MAD2L1: variants seen among roughly 807,000 people sequenced by gnomAD.
The protein encoded by MAD2L1 is mitotic spindle assembly checkpoint protein MAD2A.
A neutral mutation model predicts 25.9 loss-of-function variants in MAD2L1; 10 were observed. The ratio of observed to expected loss-of-function variants is 0.39; its 90% confidence interval spans 0.24 to 0.66. MAD2L1 has a LOEUF of 0.66. Ranked by LOEUF, MAD2L1 falls within the 30% of genes least tolerant of loss-of-function variation. The probability of loss-of-function intolerance (pLI) is 0.49; values close to 1 mark genes in which losing one functional copy is unlikely to be tolerated. For synonymous variants in MAD2L1, 81 were observed against 91.8 expected (o/e 0.88, Z 0.67); for missense variants, 180 against 246.4 (o/e 0.73, Z 1.80).
In MAD2L1 at chr4:120,056,282, G is replaced by A. The variant is rs898658922; in HGVS notation, c.*3836C>T. 6 of 152,322 alleles carry A rather than the reference G, an allele frequency of 3.9e-5. No individual in the cohort carries two copies. Among genetic ancestry groups the A allele is most frequent in the African/African-American group, 1.2e-4 (5 of 41,578 alleles). 9.4% of individuals were successfully genotyped at this position (152,322 alleles called of 1,614,324 possible). On this transcript the variant is annotated 3_prime_UTR_variant, in exon 5 of 5. Transcript: ENST00000296509. Reference sequence around the variant, plus strand: ...AGAATTAAATAAAAATTCATGTGAAGTGACTAGTAAATAATAAATGCTAAG... The same window carrying A: ...AGAATTAAATAAAAATTCATGTGAAATGACTAGTAAATAATAAATGCTAAG...
At chr4:120,066,626 G>C in intron 1 of MAD2L1, 36 bp downstream of exon 1, 1 of 1,574,778 alleles carries the variant, frequency 6.4e-7, no homozygotes, top group Non-Finnish European at 8.7e-7. Context: ...TCACGACTCC[G>C]TTCCCCCCGA....
rs540908477 is a variant in MAD2L1 at position 120,064,991 on chromosome 4, A to G, written c.220+681T>C. Among the ~76,000 whole-genome samples the G allele has an allele frequency of 2.0e-5, 3 of 152,352 alleles. No individual in the cohort carries two copies. In the East Asian group the frequency reaches 5.8e-4, roughly 29 times the overall value. On this transcript the variant is annotated intron_variant, in intron 2 of 4. Coordinates refer to ENST00000296509, the MANE Select transcript of MAD2L1 (RefSeq NM_002358.4). ...AATCCTAAGTGGAGGGTAACACGAAAGAAAAACTAACAGGAATTCTAGAAA... is the reference window on the plus strand; with the variant it reads ...AATCCTAAGTGGAGGGTAACACGAAGGAAAAACTAACAGGAATTCTAGAAA...
rs536970251 is a variant in MAD2L1, at chr4:120,062,623, GAAAC to G, written c.221-532_221-529del. On this transcript the variant is annotated intron_variant, in intron 2 of 4. Transcript: ENST00000296509. ...AGCAGCCCACTACAAGTGCAATCAA[GAAAC>G]AAACAAACAAAATAAAACAAAGTAA... 3.5e-3 allele frequency among the ~76,000 whole-genome samples: 539 copies of G among 152,246 alleles called. 3 individuals are homozygous for G. Among genetic ancestry groups the G allele is most frequent in the African/African-American group, 0.012 (489 of 41,546 alleles).
At chr4:120,063,962 A>G (rs1260006599) in intron 2 of MAD2L1, among the ~76,000 whole-genome samples, 3 of 152,194 alleles carry the variant, frequency 2.0e-5, no homozygotes, top group African/African-American at 7.2e-5. Flanking sequence ...ACTGCACTCC[A>G]GCCTTGGTGC....
In MAD2L1 at chr4:120,061,927, T is replaced by G. The variant is rs1213938632; in HGVS notation, c.341+48A>C. 7 of 1,403,504 alleles carry G rather than the reference T, an allele frequency of 5.0e-6. No individual in the cohort carries two copies. The South Asian group carries it at 8.2e-5, about 16-fold the overall frequency. The allele number at this position is 1,403,504 out of a possible 1,614,324, so 86.9% of individuals were successfully genotyped here. A position where few individuals can be genotyped will look rare whatever the true frequency, so the allele number is the denominator to read the frequency against. ...GAACTCAATTAGTAATAAAAACAAG[T>G]TTTGAAAAAAAATATATCAAAGTAG... On this transcript the variant is annotated intron_variant, in intron 3 of 4. Coordinates refer to ENST00000296509, the MANE Select transcript of MAD2L1 (RefSeq NM_002358.4).
intron 2 of MAD2L1, among the ~76,000 whole-genome samples, chr4:120,064,624 G>A (rs1359892716): frequency 6.6e-6 from 1 of 152,156 alleles, no homozygotes; most frequent in Non-Finnish European, 1.5e-5. Flanking sequence ...AATGTCAACA[G>A]GGCTATCTTC....
chr4:120,060,195 C>G lies in MAD2L1; in HGVS notation c.541G>C (p.Val181Leu), dbSNP rs1249510526. ...GTAGTAGTAAATGAACGAAGGCGGACTTCCTCAGAATTGGTAATAAACTGT... is the reference window on the plus strand; with the variant it reads ...GTAGTAGTAAATGAACGAAGGCGGAGTTCCTCAGAATTGGTAATAAACTGT... ...GPQFITNSEE[V>L]RLRSFTTTIH... Residue 181 changes from valine (V) to leucine (L), a missense_variant, in exon 5 of 5, where the codon GTC (valine) becomes CTC (leucine). Val to Leu is a conservative substitution (Grantham distance 32). Transcript: ENST00000296509. 6.2e-7 allele frequency: 1 copy of G among 1,612,604 alleles called. No homozygotes were observed. The highest frequency in any genetic ancestry group is 8.5e-7 in the Non-Finnish European group (1 of 1,179,498).
Position 120,062,060 on chromosome 4 carries a change from C to G in MAD2L1, c.256G>C (p.Val86Leu). Residue 86 changes from valine (V) to leucine (L), a missense_variant, in exon 3 of 5, where the codon GTA becomes CTA. Transcript: ENST00000296509. ...LYKCSVQKLV[V>L]VISNIESGEV... Reference sequence around the variant, plus strand: ...CCACTTTCAATATTTGAGATAACTACAACCAGTTTCTGAACTGAACACTTG... The same window carrying G: ...CCACTTTCAATATTTGAGATAACTAGAACCAGTTTCTGAACTGAACACTTG... 1 of 1,612,624 alleles carries G rather than the reference C, an allele frequency of 6.2e-7. No individual in the cohort carries two copies. Among genetic ancestry groups the G allele is most frequent in the Non-Finnish European group, 8.5e-7 (1 of 1,179,228 alleles).
intron 2 of MAD2L1, among the ~76,000 whole-genome samples, chr4:120,062,466 T>C (rs1211945626): frequency 1.3e-5 from 2 of 152,170 alleles, no homozygotes; most frequent in African/African-American, 2.4e-5. Flanking sequence ...AAAGGAAAAT[T>C]TGAGCCACTC....
chr4:120,066,540 G>A (rs1036135322), intron 1 of MAD2L1, 122 bp downstream of exon 1: 1 of 835,056 alleles, frequency 1.2e-6, no homozygotes, highest in African/African-American at 1.7e-5. Context: ...AACGCGTCTG[G>A]AGGAAGCGCC....
At position 120,057,108 on chromosome 4, in the gene MAD2L1, G is replaced by A. The variant is rs1011476537; in HGVS notation, c.*3010C>T. On this transcript the variant is annotated 3_prime_UTR_variant, in exon 5 of 5. Coordinates refer to ENST00000296509, the MANE Select transcript of MAD2L1 (RefSeq NM_002358.4). ...AAACAGCCATGTTTTTTTCTTATTG[G>A]AACACACTCACGCTCATTCATTTAT... is the stretch of plus-strand genomic sequence containing the variant. The A allele has an allele frequency of 6.6e-6, 1 of 152,114 alleles. No homozygotes were observed. Among genetic ancestry groups the A allele is most frequent in the Admixed American group, 6.6e-5 (1 of 15,266 alleles). 9.4% of individuals were successfully genotyped at this position (152,114 alleles called of 1,614,324 possible). A position where few individuals can be genotyped will look rare whatever the true frequency, so the allele number is the denominator to read the frequency against.
Position 120,060,798 on chromosome 4 carries a change from TA to T in MAD2L1, c.445+75del, listed in dbSNP as rs1726201515. 4.7e-6 allele frequency: 4 copies of T among 845,192 alleles called. No individual in the cohort carries two copies. In the East Asian group the frequency reaches 1.1e-4, roughly 23 times the overall value. 52.4% of individuals were successfully genotyped at this position (845,192 alleles called of 1,614,324 possible). On this transcript the variant is annotated intron_variant, in intron 4 of 4. Transcript: ENST00000296509. The stretch of plus-strand genomic sequence containing the variant: ...ATCTGATAAATAAGACAAAATTTAA[TA>T]AAGGGGTGATTACGGCAGTAGCTTA...
intron 2 of MAD2L1, among the ~76,000 whole-genome samples, chr4:120,064,097 A>T (rs770919337): frequency 2.6e-5 from 4 of 152,188 alleles, no homozygotes; most frequent in African/African-American, 4.8e-5. Flanking sequence ...ATAAGGTGAA[A>T]TGTCATTAAC....
rs773294106 is a variant in MAD2L1, at chr4:120,058,015, C to G, written c.*2103G>C. The G allele has an allele frequency of 6.6e-6, 1 of 152,204 alleles. No homozygotes were observed. The highest frequency in any genetic ancestry group is 6.5e-5 in the Admixed American group (1 of 15,278). The allele number at this position is 152,204 out of a possible 1,614,324, so 9.4% of individuals were successfully genotyped here. On this transcript the variant is annotated 3_prime_UTR_variant, in exon 5 of 5. Transcript: ENST00000296509. ...AGTAGCTGAGATGCGCCCGCCACCA[C>G]GCCCAGCTAATTTTTATATTTTTAG...
chr4:120,060,022 T>G lies in MAD2L1; in HGVS notation c.*96A>C. 1 of 1,110,734 alleles carries G rather than the reference T, an allele frequency of 9.0e-7. No individual in the cohort carries two copies. 68.8% of individuals were successfully genotyped at this position (1,110,734 alleles called of 1,614,324 possible). A position where few individuals can be genotyped will look rare whatever the true frequency, so the allele number is the denominator to read the frequency against. On this transcript the variant is annotated 3_prime_UTR_variant, in exon 5 of 5. Coordinates refer to ENST00000296509, the MANE Select transcript of MAD2L1 (RefSeq NM_002358.4). The stretch of plus-strand genomic sequence containing the variant: ...CATTTTGGTTTTCTCCATGTAAAAA[T>G]TAACCAATGAAATAAAACATATCAA...
intron 2 of MAD2L1, among the ~76,000 whole-genome samples, chr4:120,063,152 G>A (rs891300877): frequency 6.6e-6 from 1 of 152,188 alleles, no homozygotes; most frequent in African/African-American, 2.4e-5. Flanking sequence ...GCTACATAAA[G>A]ATATAGCTGC....
Position 120,066,651 on chromosome 4 carries a change from C to G in MAD2L1, c.73+11G>C. On this transcript the variant is annotated intron_variant, in intron 1 of 4. Coordinates refer to ENST00000296509, the MANE Select transcript of MAD2L1 (RefSeq NM_002358.4). ...GTTCCCCCCGATATATTGGCCTGCG[C>G]GAGAACTTACAGAAGAACTCGGCCA... 1 of 1,600,082 alleles carries G rather than the reference C, an allele frequency of 6.2e-7. No homozygotes were observed. The highest frequency in any genetic ancestry group is 8.5e-7 in the Non-Finnish European group (1 of 1,170,382).
rs1726298106 is a variant in MAD2L1 at position 120,065,423 on chromosome 4, A to T, written c.220+249T>A. ...TTTGGCCACATTTACTGCAAAAGCCACTTCTAAGGGAGTTGATGAAGACTA... is the reference window on the plus strand; with the variant it reads ...TTTGGCCACATTTACTGCAAAAGCCTCTTCTAAGGGAGTTGATGAAGACTA... On this transcript the variant is annotated intron_variant, in intron 2 of 4. Transcript: ENST00000296509. 5 of 342,420 alleles carry T rather than the reference A, an allele frequency of 1.5e-5. No homozygotes were observed. In the East Asian group the frequency reaches 2.5e-4, roughly 17 times the overall value. The allele number at this position is 342,420 out of a possible 1,614,324, so 21.2% of individuals were successfully genotyped here.
rs1212426959 is a variant in MAD2L1, at chr4:120,060,937, T to C, written c.382A>G (p.Ile128Val). Reference protein sequence around the residue: ...EKSQKAIQDEIRSVIRQITAT... With the variant: ...EKSQKAIQDEVRSVIRQITAT... ...GTGATCTGTCTGATCACTGAACGGA[T>C]TTCATCCTGGATAGCTTTCTGAGAC... The change falls in exon 4 of 5, where the codon ATC (isoleucine) becomes GTC (valine). Residue 128 changes from isoleucine (I) to valine (V), a missense_variant. By Grantham distance (29) the Ile-to-Val change is conservative. Transcript: ENST00000296509. 5 of 1,611,736 alleles carry C rather than the reference T, an allele frequency of 3.1e-6. No individual in the cohort carries two copies. In the South Asian group the frequency reaches 4.4e-5, roughly 14 times the overall value.
Sources: gnomAD v4.1 joint callset for allele counts (sites outside exome capture counted in the v4.1 genomes callset) on GRCh38, gnomAD v4.1.1 for gene constraint, MANE v1.5 for transcripts, NCBI Gene and HGNC (gene_info 2026-07-23, HGNC 2026-07-21) for gene names.